KIAA0513: variants seen among roughly 807,000 people sequenced by gnomAD.
KIAA0513 encodes uncharacterized protein KIAA0513.
KIAA0513 carries 39 observed loss-of-function variants against 56.5 expected under a neutral mutation model. That is an observed-to-expected ratio of 0.69 (90% CI 0.53 to 0.90). The LOEUF (loss-of-function observed/expected upper bound fraction) is 0.90. Ranked by LOEUF, KIAA0513 falls within the 40% of genes least tolerant of loss-of-function variation. KIAA0513 has a pLI of 0.00. For missense variants in KIAA0513, 591 were observed against 535.2 expected (o/e 1.10, Z -1.03); for synonymous variants, 268 against 215.6 (o/e 1.24, Z -2.13).
intron 8 of KIAA0513, among the ~76,000 whole-genome samples, chr16:85,080,610 A>G (rs1237973012): frequency 2.6e-5 from 4 of 152,160 alleles, no homozygotes; most frequent in Non-Finnish European, 5.9e-5. Context: ...CCTGGTCAAC[A>G]TGGCGAAACC....
intron 1 of KIAA0513, among the ~76,000 whole-genome samples, chr16:85,031,138 G>T (rs148855918): frequency 6.6e-6 from 1 of 152,186 alleles, no homozygotes; most frequent in African/African-American, 2.4e-5. Flanking sequence ...AGCTCATTCT[G>T]TAGAGGCCCA....
At chr16:85,080,801 T>A (rs988795877) in intron 8 of KIAA0513, among the ~76,000 whole-genome samples, 6 of 152,102 alleles carry the variant, frequency 3.9e-5, no homozygotes, top group African/African-American at 9.7e-5. Flanking sequence ...CTCAAAAAAA[T>A]AAATAAATAA....
At chr16:85,036,068 G>T (rs1028470854) in intron 1 of KIAA0513, among the ~76,000 whole-genome samples, 1 of 151,956 alleles carries the variant, frequency 6.6e-6, no homozygotes, top group African/African-American at 2.4e-5. Flanking sequence ...TACCGCCTTG[G>T]CCTCCCAAAA....
At chr16:85,086,926 TG>T in intron 11 of KIAA0513, 145 bp from the exon 12 acceptor site, 1 of 846,772 alleles carries the variant, frequency 1.2e-6, no homozygotes. Flanking sequence ...TGAGAGTTGC[TG>T]GTGGCTAATT....
At chr16:85,043,802 G>C (rs940656948) in intron 1 of KIAA0513, among the ~76,000 whole-genome samples, 11 of 152,186 alleles carry the variant, frequency 7.2e-5, no homozygotes, top group African/African-American at 2.7e-4. Context: ...GGAGGCCGAA[G>C]CGGGCGGATC....
intron 1 of KIAA0513, among the ~76,000 whole-genome samples, chr16:85,053,812 T>C (rs1204706469): frequency 6.6e-6 from 1 of 152,008 alleles, no homozygotes; most frequent in Non-Finnish European, 1.5e-5. Flanking sequence ...GCCAACATGG[T>C]GAAACCCCGT....
intron 1 of KIAA0513, among the ~76,000 whole-genome samples, chr16:85,051,864 G>A (rs1223049929): frequency 1.3e-5 from 2 of 151,040 alleles, no homozygotes; most frequent in Non-Finnish European, 3.0e-5. Context: ...GTGTTGCCCA[G>A]GCTGGTCCCA....
chr16:85,029,031 G>C (rs2072926980), intron 1 of KIAA0513, among the ~76,000 whole-genome samples: 1 of 152,230 alleles, frequency 6.6e-6, no homozygotes, highest in Admixed American at 6.5e-5. Flanking sequence ...TATTGCATGT[G>C]AGCGTTCCTT....
chr16:85,054,076 C>G (rs1057246355), intron 1 of KIAA0513, among the ~76,000 whole-genome samples: 2 of 151,900 alleles, frequency 1.3e-5, no homozygotes, highest in African/African-American at 4.8e-5. Context: ...GGGAGGATCA[C>G]TTGAGCCCAG....
At position 85,078,749 on chromosome 16, in the gene KIAA0513, G is replaced by A. The variant is rs2291965; in HGVS notation, c.824-176G>A. Among the ~76,000 whole-genome samples the A allele has an allele frequency of 1.8e-4, 27 of 152,348 alleles. No homozygotes were observed. In the East Asian group the frequency reaches 4.0e-3, roughly 23 times the overall value. ...TCCCTCAGAAGAAGTCCTTATTGCC[G>A]GGTGGGAATAGCACCGTTACTGGCT... On this transcript the variant is annotated intron_variant, in intron 7 of 12. Transcript: ENST00000683363.
chr16:85,039,382 A>G (rs2073076694), intron 1 of KIAA0513, among the ~76,000 whole-genome samples: 2 of 152,176 alleles, frequency 1.3e-5, no homozygotes, highest in African/African-American at 4.8e-5. Flanking sequence ...GGCTCCCTGC[A>G]GCCTCAACCT....
At chr16:85,049,004 T>C (rs2143908277) in intron 1 of KIAA0513, among the ~76,000 whole-genome samples, 1 of 152,296 alleles carries the variant, frequency 6.6e-6, no homozygotes. Context: ...AAAAGCGGCC[T>C]GATTAGGGCA....
rs2073078987 is a variant in KIAA0513, at chr16:85,039,587, G to C, written c.-173+11729G>C. ...CTGAGTAACTGGGACTACAGACTTG[G>C]GAATACTCCTGAGTAACTGGGACTA... On this transcript the variant is annotated intron_variant, in intron 1 of 12. Coordinates refer to ENST00000683363, the MANE Select transcript of KIAA0513 (RefSeq NM_001388359.1). Among the ~76,000 whole-genome samples the C allele has an allele frequency of 2.0e-5, 3 of 152,106 alleles. No individual in the cohort carries two copies. In the East Asian group the frequency reaches 5.8e-4, roughly 29 times the overall value.
intron 1 of KIAA0513, among the ~76,000 whole-genome samples, chr16:85,049,232 C>T (rs1032841739): frequency 9.2e-5 from 14 of 152,228 alleles, no homozygotes; most frequent in African/African-American, 2.2e-4. Flanking sequence ...CACTGTGGCC[C>T]GCCAGGCCAT....
Position 85,091,532 on chromosome 16 carries a change from A to T in KIAA0513, c.*3207A>T, listed in dbSNP as rs552667018. On this transcript the variant is annotated 3_prime_UTR_variant, in exon 13 of 13. Transcript: ENST00000683363. ...TCCAGTTTCTGAGCTCTGTACCCAA[A>T]TTAAAATCCTGATGTTCAGGTTAAT... 6.6e-6 allele frequency: 1 copy of T among 152,328 alleles called. No individual in the cohort carries two copies. Among genetic ancestry groups the T allele is most frequent in the Admixed American group, 6.5e-5 (1 of 15,302 alleles). 9.4% of individuals were successfully genotyped at this position (152,328 alleles called of 1,614,324 possible). A position where few individuals can be genotyped will look rare whatever the true frequency, so the allele number is the denominator to read the frequency against.
In KIAA0513 at chr16:85,079,064, C is replaced by T. The variant is rs369612028; in HGVS notation, c.902+61C>T. 9.4e-5 allele frequency: 151 copies of T among 1,613,014 alleles called. No individual in the cohort carries two copies. In the East Asian group the frequency reaches 2.3e-3, roughly 25 times the overall value. ...ACTGACGGGGCCAGCAGTCACTCCC[C>T]GGGATCACTTCTAGCTGCCTTTGTC... On this transcript the variant is annotated intron_variant, in intron 8 of 12. Transcript: ENST00000683363.
intron 1 of KIAA0513, among the ~76,000 whole-genome samples, chr16:85,047,406 C>T (rs1342516997): frequency 6.6e-6 from 1 of 152,192 alleles, no homozygotes; most frequent in South Asian, 2.1e-4. Flanking sequence ...TATCTTCACC[C>T]CTTCAGCCAG....
chr16:85,049,663 G>A (rs1468985761), intron 1 of KIAA0513, among the ~76,000 whole-genome samples: 1 of 152,200 alleles, frequency 6.6e-6, no homozygotes, highest in Non-Finnish European at 1.5e-5. Flanking sequence ...ACCTTCTGCT[G>A]TGTTCATAAG....
chr16:85,033,581 G>A (rs1019156536), intron 1 of KIAA0513, among the ~76,000 whole-genome samples: 13 of 152,066 alleles, frequency 8.5e-5, no homozygotes, highest in Non-Finnish European at 1.3e-4. Context: ...GGCCTCCAGA[G>A]CTCTGCACTT....
Sources: gnomAD v4.1 joint callset for allele counts (sites outside exome capture counted in the v4.1 genomes callset) on GRCh38, gnomAD v4.1.1 for gene constraint, MANE v1.5 for transcripts, NCBI Gene and HGNC (gene_info 2026-07-23, HGNC 2026-07-21) for gene names.